The following PTPRK variants were observed in gnomAD, a reference collection of about 807,000 sequenced individuals.
PTPRK encodes protein tyrosine phosphatase receptor type K, also known as receptor-type tyrosine-protein phosphatase kappa.
In PTPRK, 75 loss-of-function variants were observed where a neutral mutation model predicts 178.0. The ratio of observed to expected loss-of-function variants is 0.42; its 90% CI spans 0.35 to 0.51. The LOEUF (loss-of-function observed/expected upper bound fraction) is 0.51, where lower values mean the gene tolerates loss of function less well. Ranked by LOEUF, PTPRK falls within the 20% of genes least tolerant of loss-of-function variation. The pLI, the probability that PTPRK is intolerant of heterozygous loss-of-function variation, is 0.02. For synonymous variants in PTPRK, 637 were observed against 620.6 expected, an observed-to-expected ratio of 1.03 and a Z score of -0.39; for missense variants, 1,441 against 1,797.8, an observed-to-expected ratio of 0.80 and a Z score of 3.59.
chr6:128,335,567 G>A (rs1830802557), intron 2 of PTPRK, among the ~76,000 whole-genome samples: 1 of 151,714 alleles, frequency 6.6e-6, no homozygotes, highest in Non-Finnish European at 1.5e-5. Flanking sequence ...GAAGATGAAA[G>A]AAAAGAGAGG....
intron 2 of PTPRK, among the ~76,000 whole-genome samples, chr6:128,381,891 G>T (rs1837960163): frequency 6.6e-6 from 1 of 151,980 alleles, no homozygotes; most frequent in East Asian, 1.9e-4. Flanking sequence ...AGATTTAACA[G>T]AAATTAATTT....
chr6:128,425,802 C>T (rs1041752411), intron 1 of PTPRK, among the ~76,000 whole-genome samples: 5 of 152,164 alleles, frequency 3.3e-5, no homozygotes, highest in Non-Finnish European at 5.9e-5. Flanking sequence ...TTCACTCTGA[C>T]GTTCAGGCAC....
intron 16 of PTPRK, among the ~76,000 whole-genome samples, chr6:127,997,446 G>A (rs2114679627): frequency 6.6e-6 from 1 of 152,186 alleles, no homozygotes; most frequent in African/African-American, 2.4e-5. Flanking sequence ...CATCGCATCT[G>A]AGTTTCTTTG....
intron 15 of PTPRK, among the ~76,000 whole-genome samples, chr6:127,999,455 C>A (rs1777541055): frequency 6.6e-6 from 1 of 152,120 alleles, no homozygotes; most frequent in Admixed American, 6.5e-5. Context: ...CCCCCTGATG[C>A]CACTCTGTCT....
intron 2 of PTPRK, among the ~76,000 whole-genome samples, chr6:128,383,986 A>G (rs77343105): frequency 0.034 from 5,204 of 152,274 alleles, 287 homozygotes; most frequent in African/African-American, 0.12. Context: ...AAAATTAAAT[A>G]CCCAAATGCT....
intron 3 of PTPRK, among the ~76,000 whole-genome samples, chr6:128,271,810 C>T (rs1482542908): frequency 6.6e-6 from 1 of 151,776 alleles, no homozygotes; most frequent in African/African-American, 2.4e-5. Context: ...GCACATTTGA[C>T]TGGTTTATTT....
At chr6:128,380,070 C>T (rs1218632061) in intron 2 of PTPRK, among the ~76,000 whole-genome samples, 3 of 151,984 alleles carry the variant, frequency 2.0e-5, no homozygotes, top group African/African-American at 7.3e-5. Flanking sequence ...CCAAACCCTG[C>T]TCAGCCTGGA....
intron 1 of PTPRK, among the ~76,000 whole-genome samples, chr6:128,422,227 G>C (rs1843561830): frequency 6.6e-6 from 1 of 152,102 alleles, no homozygotes; most frequent in Non-Finnish European, 1.5e-5. Flanking sequence ...ACATGCATGG[G>C]TATATGTAAA....
chr6:128,477,262 A>G (rs1851482365), intron 1 of PTPRK, among the ~76,000 whole-genome samples: 1 of 152,042 alleles, frequency 6.6e-6, no homozygotes, highest in African/African-American at 2.4e-5. Context: ...GAAAAAAGGT[A>G]ACATTATTTT....
chr6:128,058,909 C>G (rs906187937), intron 13 of PTPRK, among the ~76,000 whole-genome samples: 4 of 151,752 alleles, frequency 2.6e-5, no homozygotes, highest in African/African-American at 9.7e-5. Flanking sequence ...TATGGAAAAA[C>G]TGTCATTTAT....
At chr6:128,465,900 G>A (rs1849787450) in intron 1 of PTPRK, among the ~76,000 whole-genome samples, 1 of 152,106 alleles carries the variant, frequency 6.6e-6, no homozygotes, top group African/African-American at 2.4e-5. Flanking sequence ...TGTGAGCAGA[G>A]GGTCCAAGCC....
chr6:128,422,484 G>T (rs561934698), intron 1 of PTPRK, among the ~76,000 whole-genome samples: 2 of 151,988 alleles, frequency 1.3e-5, no homozygotes, highest in Non-Finnish European at 2.9e-5. Flanking sequence ...ATGGCTTCTT[G>T]TTTATTATTC....
intron 1 of PTPRK, among the ~76,000 whole-genome samples, chr6:128,513,116 TA>T (rs1202214227): frequency 2.0e-5 from 3 of 152,162 alleles, no homozygotes; most frequent in Non-Finnish European, 2.9e-5. Flanking sequence ...AGCATTCTTT[TA>T]AAAAGCTTGT....
chr6:128,016,315 G>A (rs1583656463), intron 13 of PTPRK, among the ~76,000 whole-genome samples: 3 of 151,858 alleles, frequency 2.0e-5, no homozygotes, highest in Non-Finnish European at 2.9e-5. Context: ...ATGATAGGGC[G>A]AAGAGTATGA....
intron 6 of PTPRK, among the ~76,000 whole-genome samples, chr6:128,217,567 T>C (rs983740235): frequency 6.6e-6 from 1 of 152,222 alleles, no homozygotes; most frequent in Non-Finnish European, 1.5e-5. Flanking sequence ...TTTCTTTTCG[T>C]TAAAAATATC....
At chr6:128,051,453 T>C (rs1473237665) in intron 13 of PTPRK, among the ~76,000 whole-genome samples, 1 of 152,220 alleles carries the variant, frequency 6.6e-6, no homozygotes, top group Non-Finnish European at 1.5e-5. Context: ...TTTTCTAAAC[T>C]CAACCATAGA....
chr6:128,408,310 C>G (rs1195612258), intron 1 of PTPRK, among the ~76,000 whole-genome samples: 2 of 152,120 alleles, frequency 1.3e-5, no homozygotes, highest in East Asian at 3.9e-4. Context: ...ATAGCTTGAA[C>G]CCAGGAGGCG....
chr6:128,055,915 T>C (rs561635527), intron 13 of PTPRK, among the ~76,000 whole-genome samples: 4 of 152,278 alleles, frequency 2.6e-5, no homozygotes, highest in Non-Finnish European at 5.9e-5. Flanking sequence ...TTAAAGTGTC[T>C]TTAAATTTTT....
Position 127,973,097 on chromosome 6 carries a change from T to G in PTPRK, c.4194A>C (p.Lys1398Asn). The part of the protein sequence containing the change: ...CAIGIVVEMV[K>N]RQNVVDVFHA... ...GGAAAACATCGACAACATTTTGCCGTTTCACCATTTCAACAACGATGCCTA... is the reference window on the plus strand; with the variant it reads ...GGAAAACATCGACAACATTTTGCCGGTTCACCATTTCAACAACGATGCCTA... Residue 1398 changes from lysine to asparagine, a missense_variant, in exon 29 of 30, where the codon AAA (lysine) becomes AAC (asparagine). Physicochemically the swap from Lys to Asn is moderately conservative, Grantham distance 94. Transcript: ENST00000368226. 1 of 1,614,102 alleles carries G rather than the reference T, an allele frequency of 6.2e-7. No individual in the cohort carries two copies.
Sources: allele counts gnomAD v4.1 joint callset (sites outside exome capture counted in the v4.1 genomes callset), GRCh38; gene constraint gnomAD v4.1.1; transcripts MANE v1.5; gene names NCBI Gene and HGNC (gene_info 2026-07-23, HGNC 2026-07-21).